ARSG: variants seen among roughly 807,000 people sequenced by gnomAD.
The protein encoded by ARSG is arylsulfatase G, also known as ASG.
ARSG carries 37 observed loss-of-function variants against 50.5 expected under a neutral mutation model. The observed-to-expected ratio is 0.73, with a 90% CI of 0.56 to 0.96. ARSG has a LOEUF of 0.96. Ranked by LOEUF, ARSG falls within the 50% of genes least tolerant of loss-of-function variation. The pLI, the probability that ARSG is intolerant of heterozygous loss-of-function variation, is 0.00. For missense variants in ARSG, 629 were observed against 675.3 expected (o/e 0.93, Z 0.76); for synonymous variants, 225 against 254.6 (o/e 0.88, Z 1.11).
chr17:68,334,693 G>C (rs2077934472), intron 2 of ARSG, among the ~76,000 whole-genome samples: 1 of 152,040 alleles, frequency 6.6e-6, no homozygotes, highest in Non-Finnish European at 1.5e-5. Flanking sequence ...TCCTATGGCG[G>C]ACATCTCCAC....
chr17:68,313,697 T>TTTTTTA (rs1599678089), intron 2 of ARSG, among the ~76,000 whole-genome samples: 1 of 150,828 alleles, frequency 6.6e-6, no homozygotes, highest in Non-Finnish European at 1.5e-5. Context: ...TTTTTTTTTT[T>TTTTTTA]GAGACACAGT....
intron 8 of ARSG, among the ~76,000 whole-genome samples, chr17:68,374,614 G>C (rs930782047): frequency 8.5e-5 from 13 of 152,280 alleles, no homozygotes; most frequent in Middle Eastern, 3.4e-3. Context: ...CACTTTGGGA[G>C]GCTGAGGCAA....
intron 1 of ARSG, among the ~76,000 whole-genome samples, chr17:68,269,557 T>C (rs2075263913): frequency 6.8e-6 from 1 of 146,292 alleles, no homozygotes; most frequent in African/African-American, 2.6e-5. Flanking sequence ...CTTCTTGGGC[T>C]AAGCCTGTCC....
chr17:68,447,643 G>A, the ARSG span, among the ~76,000 whole-genome samples: 1 of 151,854 alleles, frequency 6.6e-6, no homozygotes, highest in Non-Finnish European at 1.5e-5. Context: ...CTCCTGCCTC[G>A]GCCTCCTGAA....
At chr17:68,379,544 C>G (rs1421267934) in intron 8 of ARSG, among the ~76,000 whole-genome samples, 2 of 146,688 alleles carry the variant, frequency 1.4e-5, no homozygotes, top group African/African-American at 5.0e-5. Context: ...TCCCAGAGTG[C>G]TGGTGTTACA....
chr17:68,318,241 A>C (rs2077149305), intron 2 of ARSG, among the ~76,000 whole-genome samples: 1 of 152,248 alleles, frequency 6.6e-6, no homozygotes. Flanking sequence ...CTCTTCATGC[A>C]GTCTGAAATT....
At chr17:68,269,156 A>G in intron 1 of ARSG, 1 of 1,528,260 alleles carries the variant, frequency 6.5e-7, no homozygotes, top group Admixed American at 2.3e-5. Flanking sequence ...CCATTTCCAG[A>G]AAGTCTTCAG....
At chr17:68,305,106 T>G in intron 1 of ARSG, among the ~76,000 whole-genome samples, 1 of 152,092 alleles carries the variant, frequency 6.6e-6, no homozygotes. Context: ...CCCAGGAGTT[T>G]GAGATTGCAG....
chr17:68,448,948 TTC>T, the ARSG span, among the ~76,000 whole-genome samples: 2 of 152,340 alleles, frequency 1.3e-5, no homozygotes, highest in African/African-American at 4.8e-5. Flanking sequence ...AAGGTCCCAC[TTC>T]TCTTTCTCCA....
At chr17:68,450,942 CAAG>C in the ARSG span, 7 of 1,576,688 alleles carry the variant, frequency 4.4e-6, no homozygotes, top group Non-Finnish European at 4.3e-6. Flanking sequence ...TGATCACTTC[CAAG>C]AAGGATTCCA....
chr17:68,296,363 T>C (rs1555758187), intron 1 of ARSG, among the ~76,000 whole-genome samples: 1 of 152,188 alleles, frequency 6.6e-6, no homozygotes, highest in Non-Finnish European at 1.5e-5. Context: ...ACTTTCCCTA[T>C]CTTGTCTAAA....
the ARSG span, among the ~76,000 whole-genome samples, chr17:68,434,305 T>A: frequency 6.6e-6 from 1 of 152,334 alleles, no homozygotes; most frequent in African/African-American, 2.4e-5. Context: ...TCATTTCTCC[T>A]GTGCCGGCCG....
the ARSG span, chr17:68,428,628 CT>C: frequency 3.7e-6 from 2 of 536,418 alleles, no homozygotes; most frequent in Non-Finnish European, 6.7e-6. Flanking sequence ...AATCCTGGCA[CT>C]TTTCCAGATG....
chr17:68,344,435 T>C (rs955361563), intron 3 of ARSG, among the ~76,000 whole-genome samples: 1 of 152,268 alleles, frequency 6.6e-6, no homozygotes, highest in African/African-American at 2.4e-5. Flanking sequence ...GTCTGCCACA[T>C]TGTCCAATGA....
At chr17:68,270,497 TG>T (rs1395051922) in intron 1 of ARSG, among the ~76,000 whole-genome samples, 1 of 148,446 alleles carries the variant, frequency 6.7e-6, no homozygotes, top group Non-Finnish European at 1.5e-5. Context: ...GAGGTTGCAG[TG>T]AGCTGAGACT....
At chr17:68,418,927 G>A (rs140505010) in intron 11 of ARSG, among the ~76,000 whole-genome samples, 1,703 of 151,948 alleles carry the variant, frequency 0.011, 17 homozygotes, top group South Asian at 0.027. Context: ...GTAATTTTGA[G>A]GGCTATCTTT....
chr17:68,341,245 C>G (rs113311340), intron 2 of ARSG, among the ~76,000 whole-genome samples: 2 of 152,194 alleles, frequency 1.3e-5, no homozygotes, highest in Non-Finnish European at 2.9e-5. Flanking sequence ...TTTGTTTCAG[C>G]GTTTTTTGTT....
At chr17:68,311,675 A>G (rs1330193584) in intron 2 of ARSG, among the ~76,000 whole-genome samples, 1 of 151,954 alleles carries the variant, frequency 6.6e-6, no homozygotes, top group South Asian at 2.1e-4. Context: ...AGCCAGGAAC[A>G]CCAAGGACCG....
chr17:68,338,679 A>G (rs1279262452), intron 2 of ARSG, among the ~76,000 whole-genome samples: 1 of 152,102 alleles, frequency 6.6e-6, no homozygotes. Flanking sequence ...TCATCTATAT[A>G]TGGGAATCCT....
Sources: allele counts gnomAD v4.1 joint callset (sites outside exome capture counted in the v4.1 genomes callset), GRCh38; gene constraint gnomAD v4.1.1; transcripts MANE v1.5; gene names NCBI Gene and HGNC (gene_info 2026-07-23, HGNC 2026-07-21).